ASPHD1: variants seen among roughly 807,000 people sequenced by gnomAD.
The protein encoded by ASPHD1 is aspartate beta-hydroxylase domain containing 1, also known as aspartate beta-hydroxylase domain-containing protein 1.
ASPHD1 carries 20 observed loss-of-function variants against 28.3 expected under a neutral mutation model. The observed-to-expected ratio is 0.71, with a 90% CI of 0.50 to 1.03. The LOEUF is 1.03. Ranked by LOEUF, ASPHD1 falls within the 50% of genes least tolerant of loss-of-function variation. The pLI, the probability that ASPHD1 is intolerant of heterozygous loss-of-function variation, is 0.00. For synonymous variants in ASPHD1, 240 were observed against 221.2 expected, an observed-to-expected ratio of 1.08 and a Z score of -0.75; for missense variants, 479 against 524.1, an observed-to-expected ratio of 0.91 and a Z score of 0.84.
At chr16:29,902,914 G>T (rs1222754537) in intron 1 of ASPHD1, among the ~76,000 whole-genome samples, 3 of 144,560 alleles carry the variant, frequency 2.1e-5, no homozygotes, top group Non-Finnish European at 4.5e-5. Flanking sequence ...TTGAGACAGG[G>T]TCTCACTCTG....
chr16:29,915,518 G>C (rs1380297456), intron 3 of ASPHD1, among the ~76,000 whole-genome samples: 5 of 151,828 alleles, frequency 3.3e-5, no homozygotes, highest in African/African-American at 4.8e-5. Context: ...TGGGCGTGGT[G>C]GTGGGCACCT....
At chr16:29,917,320 G>C (rs2068827048) in intron 3 of ASPHD1, among the ~76,000 whole-genome samples, 1 of 152,072 alleles carries the variant, frequency 6.6e-6, no homozygotes, top group South Asian at 2.1e-4. Context: ...GTTCCATTTA[G>C]ATTAAAATAC....
intron 3 of ASPHD1, chr16:29,913,839 T>C (rs1325454517): frequency 6.6e-6 from 1 of 152,204 alleles, no homozygotes; most frequent in Non-Finnish European, 1.5e-5. Context: ...CATTGTCTTT[T>C]TTATTTTTGA....
downstream of ASPHD1, chr16:29,906,485 C>T (rs1333387405): frequency 6.4e-6 from 3 of 467,486 alleles, no homozygotes; most frequent in Non-Finnish European, 1.3e-5. Context: ...GAGGAGGGGG[C>T]GGACTACCCT....
downstream of ASPHD1, among the ~76,000 whole-genome samples, chr16:29,907,905 A>C (rs2068639843): frequency 6.6e-6 from 1 of 152,062 alleles, no homozygotes; most frequent in Non-Finnish European, 1.5e-5. Flanking sequence ...TGGGAGGCTA[A>C]GGCAGGAACA....
In ASPHD1 at chr16:29,901,005, A is replaced by G; in HGVS notation, c.34A>G (p.Arg12Gly). 2 of 1,562,886 alleles carry G rather than the reference A, an allele frequency of 1.3e-6. No individual in the cohort carries two copies. Among genetic ancestry groups the G allele is most frequent in the Non-Finnish European group, 1.7e-6 (2 of 1,153,242 alleles). The change falls in exon 1 of 3, where the codon AGA becomes GGA. Residue 12 changes from arginine to glycine, a missense_variant. Physicochemically the swap from Arg to Gly is moderately radical, Grantham distance 125. Transcript: ENST00000308748. The surrounding 1 kb of genome is among the most constrained non-coding windows in gnomAD (Gnocchi z 5.1). ...GGGGAGAGGGAGCTTCAGCGTGGAG[A>G]GAGGACCGCGGAAGGAGAGAGAGAC... ...KEGRGSFSVE[R>G]GPRKERETAQ...
intron 2 of ASPHD1, chr16:29,905,189 A>G (rs749588143): frequency 4.5e-6 from 2 of 443,080 alleles, no homozygotes. Flanking sequence ...CGTACACAGA[A>G]AAGCGGTTAC....
intron 1 of ASPHD1, among the ~76,000 whole-genome samples, chr16:29,903,670 G>C (rs564679916): frequency 6.6e-6 from 1 of 152,090 alleles, no homozygotes; most frequent in South Asian, 2.1e-4. Flanking sequence ...TCTAAATCAT[G>C]AAAACCTTCT....
chr16:29,901,489 C>T lies in ASPHD1; in HGVS notation c.518C>T (p.Pro173Leu), dbSNP rs769869495. ...GRVRRAAQGG[P>L]GPGRGPGVLG... ...GTGAGGCGGGCAGCTCAGGGTGGCC[C>T]AGGCCCTGGGAGAGGGCCAGGGGTC... The change falls in exon 1 of 3, where the codon CCA becomes CTA. Residue 173 changes from proline to leucine, a missense_variant. Physicochemically the swap from Pro to Leu is moderately conservative, Grantham distance 98. Transcript: ENST00000308748. This position sits in a 1 kb window ranked among gnomAD's most constrained non-coding sequence, Gnocchi z 5.1. 1 of 1,559,192 alleles carries T rather than the reference C, an allele frequency of 6.4e-7. No homozygotes were observed. Among genetic ancestry groups the T allele is most frequent in the Non-Finnish European group, 8.7e-7 (1 of 1,143,380 alleles).
intron 3 of ASPHD1, among the ~76,000 whole-genome samples, chr16:29,916,391 T>C (rs78248865): frequency 0.066 from 9,983 of 151,570 alleles, 1,083 homozygotes; most frequent in African/African-American, 0.23. Context: ...GCCCAGCCAA[T>C]ACTTTTTAAC....
chr16:29,907,054 C>T (rs2068625987), downstream of ASPHD1: 6 of 1,613,628 alleles, frequency 3.7e-6, no homozygotes, highest in Non-Finnish European at 5.1e-6. Context: ...CGGGGAGTCT[C>T]GTAGATGAGG....
downstream of ASPHD1, among the ~76,000 whole-genome samples, chr16:29,909,673 C>A (rs1156290867): frequency 2.0e-5 from 3 of 151,396 alleles, no homozygotes; most frequent in African/African-American, 4.9e-5. Context: ...TGGCAATGGG[C>A]CTTTCTGAGT....
chr16:29,900,944 AGAAAG>A lies in ASPHD1; in HGVS notation c.-25_-21del. 6.5e-7 allele frequency: 1 copy of A among 1,540,262 alleles called. No individual in the cohort carries two copies. The highest frequency in any genetic ancestry group is 8.8e-7 in the Non-Finnish European group (1 of 1,138,900). On this transcript the variant is annotated 5_prime_UTR_variant, in exon 1 of 3. Transcript: ENST00000308748. ...AGGTAGAAGGAGAGAGAAAGGGGAG[AGAAAG>A]GAGAGAGGAGGGTTGGAGGTGCATG...
downstream of ASPHD1, chr16:29,910,969 C>T (rs1370472953): frequency 1.2e-6 from 2 of 1,611,774 alleles, no homozygotes; most frequent in East Asian, 2.2e-5. Context: ...GCTCTGGAGC[C>T]CCTCTGACCT....
intron 2 of ASPHD1, 117 bp from the exon 3 acceptor site, chr16:29,905,671 G>T: frequency 1.4e-5 from 7 of 495,564 alleles, no homozygotes; most frequent in Admixed American, 3.2e-5. Context: ...TACATTTAAA[G>T]GGTTAGAACA....
At chr16:29,914,430 C>CA (rs1020660136) in intron 3 of ASPHD1, 3 of 150,792 alleles carry the variant, frequency 2.0e-5, no homozygotes, top group African/African-American at 7.4e-5. Flanking sequence ...TCCTTAAGTG[C>CA]ATTTCTTTTT....
intron 3 of ASPHD1, chr16:29,911,806 G>T (rs115298578): frequency 6.2e-7 from 1 of 1,612,328 alleles, no homozygotes; most frequent in Non-Finnish European, 8.5e-7. Context: ...CCCGCACCCC[G>T]GCGGTCACCT....
At chr16:29,912,926 G>C (rs181374248) in intron 3 of ASPHD1, among the ~76,000 whole-genome samples, 1 of 152,338 alleles carries the variant, frequency 6.6e-6, no homozygotes, top group Admixed American at 6.5e-5. Flanking sequence ...GTTGGAGAAA[G>C]AAATCTGAAG....
chr16:29,901,664 C>G lies in ASPHD1; in HGVS notation c.693C>G (p.Phe231Leu). The stretch of plus-strand genomic sequence containing the variant: ...ACTTCGGGGCTGTGAGCTGGGACTT[C>G]TCAGGGACTACCCCTCCGCCTCGGG... ...LRDFGAVSWD[F>L]SGTTPPPRGW... The change falls in exon 1 of 3, where the codon TTC becomes TTG. Residue 231 changes from phenylalanine to leucine, a missense_variant. Transcript: ENST00000308748. This position sits in a 1 kb window ranked among gnomAD's most constrained non-coding sequence, Gnocchi z 5.1. 2.5e-6 allele frequency: 4 copies of G among 1,583,724 alleles called. No homozygotes were observed. The highest frequency in any genetic ancestry group is 3.4e-6 in the Non-Finnish European group (4 of 1,170,924).
Sources: gnomAD v4.1 joint callset for allele counts (sites outside exome capture counted in the v4.1 genomes callset) on GRCh38, gnomAD v4.1.1 for gene constraint, Gnocchi (gnomAD v3.1) non-coding constraint, MANE v1.5 for transcripts, NCBI Gene and HGNC (gene_info 2026-07-23, HGNC 2026-07-21) for gene names.